The following COG6 variants were observed in gnomAD, a reference collection of about 807,000 sequenced individuals.
The protein encoded by COG6 is conserved oligomeric Golgi complex subunit 6.
Under a neutral mutation model 88.8 loss-of-function variants are expected in COG6, and 74 were observed. The observed-to-expected ratio is 0.83, with a 90% CI of 0.69 to 1.01. The LOEUF is 1.01. Among genes scored for constraint, COG6 ranks in the 50% least tolerant of loss-of-function variants. The probability of loss-of-function intolerance (pLI) is 0.00; values close to 1 mark genes in which losing one functional copy is unlikely to be tolerated. For missense variants in COG6, 800 were observed against 797.9 expected, an observed-to-expected ratio of 1.00 and a Z score of -0.03; for synonymous variants, 286 against 278.7, an observed-to-expected ratio of 1.03 and a Z score of -0.26.
At chr13:39,680,931 AT>A (rs1876277587) in intron 7 of COG6, among the ~76,000 whole-genome samples, 1 of 152,138 alleles carries the variant, frequency 6.6e-6, no homozygotes, top group Non-Finnish European at 1.5e-5. Flanking sequence ...CCTTAATTTC[AT>A]TTACAAAGTC....
intron 18 of COG6, among the ~76,000 whole-genome samples, chr13:39,743,342 T>G (rs944173477): frequency 6.6e-6 from 1 of 151,950 alleles, no homozygotes; most frequent in African/African-American, 2.4e-5. Context: ...ATCAACAAAA[T>G]TGATAGACGG....
chr13:39,745,160 C>T (rs145504129), intron 18 of COG6, among the ~76,000 whole-genome samples: 78 of 152,288 alleles, frequency 5.1e-4, no homozygotes, highest in Non-Finnish European at 8.1e-4. Flanking sequence ...TTAGCCAATA[C>T]CATTCAGGGC....
chr13:39,773,747 T>C (rs983591346), intron 18 of COG6, among the ~76,000 whole-genome samples: 5 of 152,224 alleles, frequency 3.3e-5, no homozygotes, highest in African/African-American at 1.2e-4. Flanking sequence ...CAGCTACTTA[T>C]TGCTTAAAAG....
At position 39,780,112 on chromosome 13, in the gene COG6, T is replaced by G. The variant is rs183515116; in HGVS notation, c.1827-8223T>G. Among the ~76,000 whole-genome samples, 4 of 151,996 alleles carry G rather than the reference T, an allele frequency of 2.6e-5. No individual in the cohort carries two copies. In the East Asian group the frequency reaches 7.8e-4, roughly 29 times the overall value. On this transcript the variant is annotated intron_variant, in intron 18 of 18. Coordinates refer to the COG6 transcript ENST00000416691. ...GTCAGGAAATTGACTGAGAAAAGAG[T>G]TTTGAATTTTTGACTTACAAATGCA... is the stretch of plus-strand genomic sequence containing the variant.
At chr13:39,777,641 A>T (rs1881504346) in intron 18 of COG6, among the ~76,000 whole-genome samples, 1 of 152,170 alleles carries the variant, frequency 6.6e-6, no homozygotes, top group Non-Finnish European at 1.5e-5. Context: ...CTGGTGAGGG[A>T]TCACCAGTGT....
intron 13 of COG6, among the ~76,000 whole-genome samples, chr13:39,702,050 T>TA (rs1180011065): frequency 6.6e-6 from 1 of 152,006 alleles, no homozygotes; most frequent in African/African-American, 2.4e-5. Flanking sequence ...AATTAAAACT[T>TA]AGAGAGTACC....
At chr13:39,655,981 C>A in intron 1 of COG6, 102 bp downstream of exon 1, 2 of 1,429,218 alleles carry the variant, frequency 1.4e-6, no homozygotes, top group Non-Finnish European at 1.9e-6. Context: ...CTCGTCCCGG[C>A]AGCAGAGGGA....
At chr13:39,737,254 G>T (rs532287803) in intron 18 of COG6, among the ~76,000 whole-genome samples, 1 of 152,096 alleles carries the variant, frequency 6.6e-6, no homozygotes, top group Non-Finnish European at 1.5e-5. Context: ...CTGGTACTGC[G>T]CTGGGTGAGA....
intron 4 of COG6, among the ~76,000 whole-genome samples, chr13:39,675,236 G>GTTT (rs1875899968): frequency 6.6e-6 from 1 of 152,088 alleles, no homozygotes; most frequent in Non-Finnish European, 1.5e-5. Context: ...ATATGTTGAT[G>GTTT]TAAAGTAAGG....
chr13:39,751,557 CCTAGCCTATGT>C lies in COG6; in HGVS notation c.*467_*477del. On this transcript the variant is annotated 3_prime_UTR_variant, in exon 19 of 19. Coordinates refer to ENST00000455146, the MANE Select transcript of COG6 (RefSeq NM_020751.3). ...AGGCATACTTAGTAGCTTTTCTGAA[CCTAGCCTATGT>C]CTCTGTCCCCAAAATAGCTGCCCTT... 1 of 1,287,102 alleles carries C rather than the reference CCTAGCCTATGT, an allele frequency of 7.8e-7. No individual in the cohort carries two copies. The highest frequency in any genetic ancestry group is 1.0e-6 in the Non-Finnish European group (1 of 988,688). 79.7% of individuals were successfully genotyped at this position (1,287,102 alleles called of 1,614,324 possible).
chr13:39,712,246 T>C (rs1462153552), intron 13 of COG6, among the ~76,000 whole-genome samples: 1 of 152,182 alleles, frequency 6.6e-6, no homozygotes, highest in Non-Finnish European at 1.5e-5. Flanking sequence ...TTTAATACTG[T>C]ACTTATGGAT....
chr13:39,754,856 G>A (rs138416460), downstream of COG6, among the ~76,000 whole-genome samples: 67 of 152,176 alleles, frequency 4.4e-4, no homozygotes, highest in East Asian at 0.011. Flanking sequence ...ATGTTGGCAA[G>A]AAGAAAAAAT....
intron 18 of COG6, among the ~76,000 whole-genome samples, chr13:39,736,668 G>A (rs1433953939): frequency 6.6e-6 from 1 of 152,182 alleles, no homozygotes; most frequent in African/African-American, 2.4e-5. Flanking sequence ...TCCAGCTTGG[G>A]CAAGAAGAGC....
chr13:39,719,076 G>A (rs1318038777), intron 13 of COG6, among the ~76,000 whole-genome samples, 160 bp from the exon 14 acceptor site: 1 of 152,114 alleles, frequency 6.6e-6, no homozygotes, highest in East Asian at 1.9e-4. Context: ...TTTGTGTGCT[G>A]TTAATATAGT....
intron 18 of COG6, among the ~76,000 whole-genome samples, chr13:39,737,218 A>G (rs1330284126): frequency 2.0e-5 from 3 of 152,080 alleles, no homozygotes; most frequent in African/African-American, 7.2e-5. Flanking sequence ...GGGAGTGGTG[A>G]TACATGCCTC....
chr13:39,760,482 T>G (rs1193401321), intron 18 of COG6, among the ~76,000 whole-genome samples: 2 of 151,890 alleles, frequency 1.3e-5, no homozygotes, highest in Non-Finnish European at 2.9e-5. Flanking sequence ...AAAAAGAAAA[T>G]AAACCACAAA....
chr13:39,710,416 C>T (rs1237873606), intron 13 of COG6, among the ~76,000 whole-genome samples: 2 of 152,002 alleles, frequency 1.3e-5, no homozygotes, highest in Admixed American at 6.6e-5. Context: ...TTTTTGAAAG[C>T]ATTTTAAAAA....
chr13:39,740,022 T>C (rs1879964483), intron 18 of COG6, among the ~76,000 whole-genome samples: 1 of 152,174 alleles, frequency 6.6e-6, no homozygotes, highest in Non-Finnish European at 1.5e-5. Flanking sequence ...CACAGGATTG[T>C]TTCCTAGAAA....
At chr13:39,679,934 G>T in intron 6 of COG6, 41 bp from the exon 7 acceptor site, 1 of 1,073,064 alleles carries the variant, frequency 9.3e-7, no homozygotes, top group Non-Finnish European at 1.4e-6. Flanking sequence ...AGATGTATCT[G>T]TTGACTAAAG....
Sources: gnomAD v4.1 joint callset for allele counts (sites outside exome capture counted in the v4.1 genomes callset) on GRCh38, gnomAD v4.1.1 for gene constraint, MANE v1.5 for transcripts, NCBI Gene and HGNC (gene_info 2026-07-23, HGNC 2026-07-21) for gene names.